Variants in ERC1 observed in about 807,000 individuals in gnomAD.
ERC1 encodes RAB6 interacting protein 2.
ERC1 carries 56 observed loss-of-function variants against 132.0 expected under a neutral mutation model. The ratio of observed to expected loss-of-function variants is 0.42; its 90% CI spans 0.34 to 0.53. The LOEUF is 0.53. Among genes scored for constraint, ERC1 ranks in the 20% least tolerant of loss-of-function variants. ERC1 has a pLI of 0.03. For missense variants in ERC1, 1,202 were observed against 1,349.9 expected, an observed-to-expected ratio of 0.89 and a Z score of 1.72; for synonymous variants, 478 against 476.1, an observed-to-expected ratio of 1.00 and a Z score of -0.05.
intron 2 of ERC1, among the ~76,000 whole-genome samples, chr12:1,060,234 G>A (rs1447434986): frequency 1.4e-5 from 2 of 147,548 alleles, no homozygotes; most frequent in Admixed American, 6.9e-5. Context: ...GTGCAGGTTA[G>A]TTACATATGT....
At chr12:1,284,320 C>G (rs1594769383) in intron 14 of ERC1, among the ~76,000 whole-genome samples, 1 of 139,856 alleles carries the variant, frequency 7.2e-6, no homozygotes. Flanking sequence ...ATACATACCA[C>G]ATTTTATCCA....
In ERC1 at chr12:1,062,587, T is replaced by C. The variant is rs116085050; in HGVS notation, c.670-20577T>C. Among the ~76,000 whole-genome samples the C allele has an allele frequency of 4.9e-3, 741 of 152,356 alleles. 2 individuals carry two copies. Among genetic ancestry groups the C allele is most frequent in the African/African-American group, 0.017 (694 of 41,584 alleles). On this transcript the variant is annotated intron_variant, in intron 2 of 18. Transcript: ENST00000360905. ...TCTGGGAAGATACTTGATATGATTT[T>C]AGTTTTACAAAATTTGTTGAGACTT...
At chr12:1,363,811 C>T (rs1055839744) in intron 15 of ERC1, among the ~76,000 whole-genome samples, 1 of 152,184 alleles carries the variant, frequency 6.6e-6, no homozygotes, top group Admixed American at 6.5e-5. Flanking sequence ...CCGCCTCAGC[C>T]TCCCAAATTG....
chr12:1,169,128 A>G (rs73041063), intron 8 of ERC1, among the ~76,000 whole-genome samples: 3,811 of 152,318 alleles, frequency 0.025, 58 homozygotes, highest in Middle Eastern at 0.085. Context: ...ACAGAAATTC[A>G]TGGCAACTAC....
rs149226898 is a variant in ERC1, at chr12:1,046,708, C to G, written c.669+18136C>G. 8.4e-4 allele frequency among the ~76,000 whole-genome samples: 128 copies of G among 152,198 alleles called. No homozygotes were observed. The East Asian group carries it at 0.022, about 26-fold the overall frequency. ...AGAAACAGGCCCTGTTTTATGTGCT[C>G]TATGTTATTAACCATCATAACAATT... On this transcript the variant is annotated intron_variant, in intron 2 of 18. Coordinates refer to ENST00000360905, the MANE Select transcript of ERC1 (RefSeq NM_178040.4).
intron 12 of ERC1, among the ~76,000 whole-genome samples, chr12:1,207,959 T>TA (rs1210058987): frequency 6.6e-6 from 1 of 152,180 alleles, no homozygotes; most frequent in Non-Finnish European, 1.5e-5. Flanking sequence ...GGGCCATACT[T>TA]ACTCTGGCAC....
At chr12:1,118,356 AC>A (rs1168576427) in intron 7 of ERC1, among the ~76,000 whole-genome samples, 7 of 152,000 alleles carry the variant, frequency 4.6e-5, no homozygotes, top group Non-Finnish European at 8.8e-5. Context: ...TTCTCTTTGT[AC>A]CCCCCTCAAA....
intron 3 of ERC1, among the ~76,000 whole-genome samples, chr12:1,091,507 A>C (rs563636884): frequency 6.6e-6 from 1 of 152,324 alleles, no homozygotes; most frequent in African/African-American, 2.4e-5. Context: ...GGGAAGACTT[A>C]ATGAGATGCG....
chr12:1,484,132 C>T (rs556564919), intron 18 of ERC1, among the ~76,000 whole-genome samples: 22 of 151,754 alleles, frequency 1.4e-4, no homozygotes, highest in East Asian at 3.9e-4. Flanking sequence ...GGTGAAACCC[C>T]ATCTCTACTA....
At chr12:1,437,193 C>G (rs1388645392) in intron 17 of ERC1, among the ~76,000 whole-genome samples, 1 of 152,144 alleles carries the variant, frequency 6.6e-6, no homozygotes, top group Non-Finnish European at 1.5e-5. Context: ...TTCTTGACTT[C>G]TTGATTCTGG....
intron 15 of ERC1, among the ~76,000 whole-genome samples, chr12:1,299,209 A>G (rs1271794159): frequency 6.6e-6 from 1 of 152,180 alleles, no homozygotes; most frequent in Non-Finnish European, 1.5e-5. Flanking sequence ...ACATCTAACA[A>G]CTGAAGAAAA....
chr12:1,454,631 T>C (rs1171191450), intron 18 of ERC1, among the ~76,000 whole-genome samples: 1 of 152,216 alleles, frequency 6.6e-6, no homozygotes, highest in Non-Finnish European at 1.5e-5. Context: ...AAAAACACTT[T>C]GTTTTTTCCT....
chr12:1,136,900 A>T (rs900923758), intron 7 of ERC1, among the ~76,000 whole-genome samples: 1 of 151,998 alleles, frequency 6.6e-6, no homozygotes, highest in Non-Finnish European at 1.5e-5. Context: ...TTCTTTTAGA[A>T]AACTTTTCTG....
intron 3 of ERC1, among the ~76,000 whole-genome samples, chr12:1,093,929 AT>A (rs1170906736): frequency 3.3e-5 from 4 of 119,824 alleles, no homozygotes; most frequent in Non-Finnish European, 5.4e-5. Flanking sequence ...ATAAATGTAT[AT>A]TTTTCTATAT....
chr12:1,469,807 C>A (rs1256861380), intron 18 of ERC1, among the ~76,000 whole-genome samples: 1 of 152,212 alleles, frequency 6.6e-6, no homozygotes, highest in East Asian at 1.9e-4. Flanking sequence ...ACATAAAGTA[C>A]TGTTTTCCCT....
chr12:1,273,137 A>G (rs1359417027), intron 14 of ERC1, among the ~76,000 whole-genome samples: 4 of 152,142 alleles, frequency 2.6e-5, no homozygotes, highest in Non-Finnish European at 5.9e-5. Flanking sequence ...TGGTTTTAGA[A>G]CGTTATCCTT....
At chr12:1,321,583 C>T (rs1037877706) in intron 15 of ERC1, among the ~76,000 whole-genome samples, 1 of 152,186 alleles carries the variant, frequency 6.6e-6, no homozygotes, top group Non-Finnish European at 1.5e-5. Context: ...AAAGCTTGTT[C>T]TCTTCCTGAT....
chr12:1,158,516 G>A (rs1397388991), intron 8 of ERC1, among the ~76,000 whole-genome samples: 2 of 151,200 alleles, frequency 1.3e-5, no homozygotes, highest in Admixed American at 6.6e-5. Context: ...CCGCAACCTC[G>A]CCTCCTGGGT....
intron 15 of ERC1, among the ~76,000 whole-genome samples, chr12:1,313,526 A>AT: frequency 6.6e-6 from 1 of 152,298 alleles, no homozygotes; most frequent in East Asian, 1.9e-4. Context: ...CAAGGCTAGA[A>AT]TAAGACCTTT....
Sources: gnomAD v4.1 joint callset for allele counts (sites outside exome capture counted in the v4.1 genomes callset) on GRCh38, gnomAD v4.1.1 for gene constraint, MANE v1.5 for transcripts, NCBI Gene and HGNC (gene_info 2026-07-23, HGNC 2026-07-21) for gene names.